INO80C: variants seen among roughly 807,000 people sequenced by gnomAD.
INO80C encodes INO80 complex subunit C.
In INO80C, 17 loss-of-function variants were observed where a neutral mutation model predicts 17.7. The ratio of observed to expected loss-of-function variants is 0.96; its 90% confidence interval spans 0.66 to 1.44. INO80C has a LOEUF of 1.44. INO80C is among the 40% of genes most tolerant of loss of function. The pLI, the probability that INO80C is intolerant of heterozygous loss-of-function variation, is 0.00. For missense variants in INO80C, 244 were observed against 245.0 expected (o/e 1.00, Z 0.03); for synonymous variants, 96 against 95.8 (o/e 1.00, Z -0.01).
intron 3 of INO80C, 96 bp from the exon 4 acceptor site, chr18:35,478,445 G>T: frequency 1.0e-6 from 1 of 989,298 alleles, no homozygotes; most frequent in Non-Finnish European, 1.5e-6. Context: ...TAATATTCCT[G>T]AAAATTTCCT....
At chr18:35,482,085 A>G (rs2045816015) in intron 1 of INO80C, among the ~76,000 whole-genome samples, 1 of 152,086 alleles carries the variant, frequency 6.6e-6, no homozygotes, top group Admixed American at 6.5e-5. Flanking sequence ...TGATGTTTTC[A>G]TTTCTCTTGG....
At chr18:35,482,024 G>A (rs988246547) in intron 1 of INO80C, among the ~76,000 whole-genome samples, 3 of 152,220 alleles carry the variant, frequency 2.0e-5, no homozygotes, top group Admixed American at 6.5e-5. Flanking sequence ...TTTCGTGTTC[G>A]TGGACGTTCG....
intron 4 of INO80C, among the ~76,000 whole-genome samples, chr18:35,471,134 G>A (rs980938939): frequency 6.6e-6 from 1 of 152,202 alleles, no homozygotes; most frequent in African/African-American, 2.4e-5. Context: ...ATGTGAACTA[G>A]GCTTTACTTT....
chr18:35,490,366 G>C lies in INO80C; in HGVS notation c.156+7353C>G, dbSNP rs192036139. Among the ~76,000 whole-genome samples, 36 of 152,278 alleles carry C rather than the reference G, an allele frequency of 2.4e-4. No individual in the cohort carries two copies. In the East Asian group the frequency reaches 2.5e-3, roughly 11 times the overall value. On this transcript the variant is annotated intron_variant, in intron 1 of 4. Transcript: ENST00000334598. ...TTAAATTAGCAGGAGAGATAACCCT[G>C]AGAGCTATCCAGTAAGCACCACGTC...
intron 1 of INO80C, chr18:35,497,290 G>A: frequency 1.0e-6 from 1 of 970,456 alleles, no homozygotes; most frequent in Non-Finnish European, 1.2e-6. Flanking sequence ...ATGAGAGAAA[G>A]CATACTTATC....
intron 1 of INO80C, chr18:35,487,362 GA>G: frequency 5.1e-6 from 2 of 390,998 alleles, no homozygotes; most frequent in South Asian, 3.8e-5. Flanking sequence ...AAATTATAAA[GA>G]AAAAGAGGTT....
At chr18:35,476,779 T>G (rs1374668060) in intron 4 of INO80C, among the ~76,000 whole-genome samples, 1 of 152,066 alleles carries the variant, frequency 6.6e-6, no homozygotes, top group Non-Finnish European at 1.5e-5. Flanking sequence ...TGTTGGGAGA[T>G]CACTTGAGCC....
In INO80C at chr18:35,497,775, C is replaced by T. The variant is rs770341459; in HGVS notation, c.100G>A (p.Gly34Ser). The stretch of plus-strand genomic sequence containing the variant: ...TTCTTACTGGCGCCATAGCCCCCGC[C>T]GCTGCTGCCATTGTGGGAAGGGCTG... Reference protein sequence around the residue: ...PASPSHNGSSGGGYGASKKKK... With the variant: ...PASPSHNGSSSGGYGASKKKK... Residue 34 changes from glycine (G) to serine (S), a missense_variant, in exon 1 of 5, where the codon GGC (glycine) becomes AGC (serine). By Grantham distance (56) the Gly-to-Ser change is moderately conservative. Coordinates refer to ENST00000334598, the MANE Select transcript of INO80C (RefSeq NM_194281.4). 4.3e-6 allele frequency: 7 copies of T among 1,613,032 alleles called. No homozygotes were observed. Among genetic ancestry groups the T allele is most frequent in the African/African-American group, 2.7e-5 (2 of 74,836 alleles).
intron 1 of INO80C, 28 bp downstream of exon 1, chr18:35,497,691 C>A (rs774747200): frequency 4.4e-6 from 7 of 1,600,870 alleles, no homozygotes; most frequent in Middle Eastern, 2.1e-4. Context: ...GCGACGCGCA[C>A]GCGCAGCCTG....
At chr18:35,491,821 A>G (rs1011425649) in intron 1 of INO80C, among the ~76,000 whole-genome samples, 1 of 152,214 alleles carries the variant, frequency 6.6e-6, no homozygotes, top group Non-Finnish European at 1.5e-5. Flanking sequence ...GTCCCGCCCC[A>G]AGATATGAAC....
chr18:35,482,580 C>T (rs1489192808), intron 1 of INO80C, among the ~76,000 whole-genome samples: 3 of 152,134 alleles, frequency 2.0e-5, no homozygotes, highest in Non-Finnish European at 4.4e-5. Context: ...TGGCCGCCAC[C>T]TTCTGTCTGG....
chr18:35,478,189 G>A (rs2144044203), intron 4 of INO80C, 93 bp downstream of exon 4: 4 of 969,634 alleles, frequency 4.1e-6, no homozygotes, highest in Non-Finnish European at 6.3e-6. Flanking sequence ...CTCCAGGCAG[G>A]ACCAGCCATG....
At chr18:35,471,711 G>A (rs1037778009) in intron 4 of INO80C, among the ~76,000 whole-genome samples, 27 of 151,558 alleles carry the variant, frequency 1.8e-4, no homozygotes, top group Non-Finnish European at 3.2e-4. Flanking sequence ...CCATTAACTC[G>A]TCATTTAGCA....
chr18:35,478,358 A>G lies in INO80C; in HGVS notation c.380-9T>C, dbSNP rs1177411271. 7.8e-6 allele frequency: 12 copies of G among 1,539,544 alleles called. No homozygotes were observed. In the East Asian group the frequency reaches 9.2e-5, roughly 12 times the overall value. On this transcript the variant is annotated splice_polypyrimidine_tract_variant and intron_variant, in intron 3 of 4. Coordinates refer to ENST00000334598, the MANE Select transcript of INO80C (RefSeq NM_194281.4). ...AGCATCAATACTGAAGTCTGGGAAA[A>G]AAAAAAAAAAAAGATAACTAAACTG...
chr18:35,488,456 T>C (rs1000716633), intron 1 of INO80C, among the ~76,000 whole-genome samples: 4 of 151,604 alleles, frequency 2.6e-5, no homozygotes, highest in African/African-American at 9.7e-5. Flanking sequence ...GCTTGGAGCT[T>C]GCACTCTCTG....
At chr18:35,479,856 TTGCAGTA>T (rs1238061707) in intron 2 of INO80C, among the ~76,000 whole-genome samples, 1 of 151,838 alleles carries the variant, frequency 6.6e-6, no homozygotes, top group African/African-American at 2.4e-5. Flanking sequence ...AAAGCCCCAG[TTGCAGTA>T]TGGGTACTCT....
At chr18:35,491,848 A>G (rs1204036213) in intron 1 of INO80C, among the ~76,000 whole-genome samples, 1 of 152,208 alleles carries the variant, frequency 6.6e-6, no homozygotes, top group East Asian at 1.9e-4. Context: ...AGAGGAGAGG[A>G]AGGAACGCCT....
intron 1 of INO80C, among the ~76,000 whole-genome samples, chr18:35,485,625 A>T (rs937320659): frequency 6.7e-6 from 1 of 148,578 alleles, no homozygotes; most frequent in Non-Finnish European, 1.5e-5. Flanking sequence ...AAACACCATT[A>T]AAAAAAAAAC....
At chr18:35,483,595 G>A (rs560216964) in intron 1 of INO80C, 1 of 152,318 alleles carries the variant, frequency 6.6e-6, no homozygotes, top group South Asian at 2.1e-4. Flanking sequence ...CACAGAGTAG[G>A]TACCAAATAA....
Sources: allele counts gnomAD v4.1 joint callset (sites outside exome capture counted in the v4.1 genomes callset), GRCh38; gene constraint gnomAD v4.1.1; transcripts MANE v1.5; gene names NCBI Gene and HGNC (gene_info 2026-07-23, HGNC 2026-07-21).